The following U2SURP variants were observed in gnomAD, a reference collection of about 807,000 sequenced individuals.
U2SURP encodes U2 snRNP associated SURP domain containing, also known as U2 snRNP-associated SURP motif-containing protein.
In U2SURP, 9 loss-of-function variants were observed where a neutral mutation model predicts 144.9. The ratio of observed to expected loss-of-function variants is 0.06; its 90% CI spans 0.04 to 0.11. U2SURP has a LOEUF of 0.11. Among genes scored for constraint, U2SURP ranks in the 10% least tolerant of loss-of-function variants. U2SURP has a pLI of 1.00. For missense variants in U2SURP, 724 were observed against 1,226.7 expected (o/e 0.59, Z 6.12); for synonymous variants, 408 against 396.8 (o/e 1.03, Z -0.33).
At chr3:143,038,052 A>G in intron 21 of U2SURP, 56 bp from the exon 22 acceptor site, 2 of 1,285,636 alleles carry the variant, frequency 1.6e-6, no homozygotes, top group South Asian at 1.5e-5. Context: ...CCATGAATGT[A>G]ATACTTCGGG....
At chr3:143,023,129 C>G (rs1226098330) in intron 12 of U2SURP, 65 bp downstream of exon 12, 18 of 1,335,086 alleles carry the variant, frequency 1.3e-5, no homozygotes, top group Non-Finnish European at 1.8e-5. Flanking sequence ...GGTAGTATTT[C>G]TTTTCAACAA....
intron 25 of U2SURP, 141 bp from the exon 26 acceptor site, chr3:143,053,534 GA>G: frequency 2.3e-6 from 1 of 437,174 alleles, no homozygotes; most frequent in Non-Finnish European, 3.7e-6. Flanking sequence ...TGAAGGGGTA[GA>G]TTTTTTTTTT....
chr3:143,014,486 G>C (rs1936263776), intron 4 of U2SURP, 77 bp downstream of exon 4: 1 of 956,418 alleles, frequency 1.0e-6, no homozygotes, highest in Non-Finnish European at 1.5e-6. Flanking sequence ...TTAGAGGAAT[G>C]TTTCCCGAAG....
chr3:143,051,146 C>T (rs1217609720), intron 25 of U2SURP, 97 bp downstream of exon 25: 2 of 695,624 alleles, frequency 2.9e-6, no homozygotes, highest in East Asian at 6.0e-5. Flanking sequence ...CAAATTATAT[C>T]CTTTGTATAA....
Position 143,056,357 on chromosome 3 carries a change from G to T in U2SURP, c.2997G>T (p.Arg999=). 3.1e-6 allele frequency: 5 copies of T among 1,611,782 alleles called. No individual in the cohort carries two copies. Among genetic ancestry groups the T allele is most frequent in the Non-Finnish European group, 3.4e-6 (4 of 1,178,782 alleles). ...SRTPKRSRRS[R]SRSPKKSGKK... ...CACCTAAAAGGTCTAGGCGATCACG[G>T]TCTAGATCTCCTAAAAAATCAGGAA... is the stretch of plus-strand genomic sequence containing the variant. The change falls in exon 28 of 28, where the codon CGG becomes CGT. Residue 999 remains arginine (R), a synonymous_variant. Coordinates refer to ENST00000473835, the MANE Select transcript of U2SURP (RefSeq NM_001080415.2).
chr3:143,044,992 G>A (rs1934345175), intron 24 of U2SURP, among the ~76,000 whole-genome samples: 1 of 152,098 alleles, frequency 6.6e-6, no homozygotes, highest in African/African-American at 2.4e-5. Flanking sequence ...TTTTTCAGGG[G>A]ATAAGATGTG....
rs778633711 is a variant in U2SURP at position 143,054,924 on chromosome 3, TGG to T, written c.2775-15_2775-14del. 6.4e-7 allele frequency: 1 copy of T among 1,568,026 alleles called. No individual in the cohort carries two copies. The highest frequency in any genetic ancestry group is 1.2e-5 in the South Asian group (1 of 82,630). On this transcript the variant is annotated splice_polypyrimidine_tract_variant and intron_variant, in intron 26 of 27. Coordinates refer to ENST00000473835, the MANE Select transcript of U2SURP (RefSeq NM_001080415.2). ...TCCTTTGCTCATTTATGGAATGTTT[TGG>T]GGGCTTTGTTCCATAGGAAGAGGCG... is the stretch of plus-strand genomic sequence containing the variant.
intron 20 of U2SURP, among the ~76,000 whole-genome samples, chr3:143,036,512 A>G (rs1933818105): frequency 6.6e-6 from 1 of 151,828 alleles, no homozygotes. Context: ...TTTCTTTTTT[A>G]CCTCCTAAAT....
rs190778086 is a variant in U2SURP at position 143,022,971 on chromosome 3, C to T, written c.1137C>T (p.Ser379=). 3.8e-3 allele frequency: 6,127 copies of T among 1,612,048 alleles called. 26 individuals carry two copies. Among genetic ancestry groups the T allele is most frequent in the Non-Finnish European group, 3.8e-3 (4,466 of 1,179,028 alleles). ...MMEHTLPPPP[S]GLPFNAQPRE... Reference sequence around the variant, plus strand: ...AACATACGCTTCCCCCACCTCCATCCGGACTGCCTTTTAATGCGCAGCCTA... The same window carrying T: ...AACATACGCTTCCCCCACCTCCATCTGGACTGCCTTTTAATGCGCAGCCTA... Residue 379 remains serine (S), a synonymous_variant, in exon 12 of 28, where the codon TCC becomes TCT. Transcript: ENST00000473835.
At chr3:143,042,431 CTTT>C (rs1032023163) in intron 23 of U2SURP, among the ~76,000 whole-genome samples, 1 of 151,834 alleles carries the variant, frequency 6.6e-6, no homozygotes, top group African/African-American at 2.4e-5. Flanking sequence ...ACACATACAG[CTTT>C]TTTTATTTTT....
intron 6 of U2SURP, chr3:143,017,443 A>G (rs1275997705): frequency 6.6e-6 from 1 of 152,108 alleles, no homozygotes. Flanking sequence ...TTGAGGGTTT[A>G]GTTTTTATGG....
At chr3:143,010,884 CT>C (rs772452149) in intron 2 of U2SURP, 25 bp downstream of exon 2, 2 of 1,580,706 alleles carry the variant, frequency 1.3e-6, no homozygotes, top group Non-Finnish European at 1.7e-6. Context: ...CAATCTTTGT[CT>C]TTTTTCCTTT....
rs1216739127 is a variant in U2SURP, at chr3:143,056,520, A to T, written c.*70A>T. 5 of 1,546,258 alleles carry T rather than the reference A, an allele frequency of 3.2e-6. No individual in the cohort carries two copies. Among genetic ancestry groups the T allele is most frequent in the Non-Finnish European group, 3.5e-6 (4 of 1,146,948 alleles). On this transcript the variant is annotated 3_prime_UTR_variant, in exon 28 of 28. Transcript: ENST00000473835. ...TTTGTGCCTGAACGGTCTGTTTTTT[A>T]AAAAAACAAAAAATCAAATGAAAGA...
At chr3:143,014,513 A>G in intron 4 of U2SURP, 104 bp downstream of exon 4, 2 of 678,034 alleles carry the variant, frequency 2.9e-6, no homozygotes, top group South Asian at 3.1e-5. Context: ...AACCTCTAGG[A>G]TATTCTCAGG....
intron 1 of U2SURP, among the ~76,000 whole-genome samples, chr3:143,006,808 A>G (rs1578107699): frequency 6.6e-6 from 1 of 152,176 alleles, no homozygotes; most frequent in East Asian, 1.9e-4. Context: ...GCACAATGCA[A>G]TTAAGGTGGT....
At chr3:143,028,752 T>G (rs937651745) in intron 16 of U2SURP, 106 bp downstream of exon 16, 13 of 908,532 alleles carry the variant, frequency 1.4e-5, no homozygotes, top group Non-Finnish European at 2.1e-5. Flanking sequence ...TTTTTTTCAC[T>G]TGTGAATGTT....
At chr3:143,034,825 C>A (rs1003610237) in intron 18 of U2SURP, 63 bp from the exon 19 acceptor site, 13 of 1,053,226 alleles carry the variant, frequency 1.2e-5, no homozygotes, top group Non-Finnish European at 1.5e-5. Flanking sequence ...CATTGGCTGG[C>A]ATGCTAAAAG....
At chr3:143,052,219 A>G (rs1220132426) in intron 25 of U2SURP, among the ~76,000 whole-genome samples, 1 of 151,938 alleles carries the variant, frequency 6.6e-6, no homozygotes, top group Non-Finnish European at 1.5e-5. Context: ...GCATGGATAA[A>G]CCCCGTCTCT....
At chr3:143,042,320 A>C (rs1322055059) in intron 23 of U2SURP, among the ~76,000 whole-genome samples, 1 of 152,154 alleles carries the variant, frequency 6.6e-6, no homozygotes, top group Non-Finnish European at 1.5e-5. Flanking sequence ...CTAATCAGAT[A>C]AGGTCTTTAC....
Sources: gnomAD v4.1 joint callset for allele counts (sites outside exome capture counted in the v4.1 genomes callset) on GRCh38, gnomAD v4.1.1 for gene constraint, MANE v1.5 for transcripts, NCBI Gene and HGNC (gene_info 2026-07-23, HGNC 2026-07-21) for gene names.